The following FARSB variants were observed in gnomAD, a reference collection of about 807,000 sequenced individuals.
The protein encoded by FARSB is phenylalanyl-tRNA synthetase subunit beta.
Under a neutral mutation model 69.6 loss-of-function variants are expected in FARSB, and 40 were observed. That is an observed-to-expected ratio of 0.57 (90% CI 0.45 to 0.75). The LOEUF (loss-of-function observed/expected upper bound fraction) is 0.75, where lower values mean the gene tolerates loss of function less well. Ranked by LOEUF, FARSB falls within the 30% of genes least tolerant of loss-of-function variation. FARSB has a pLI of 0.00. For synonymous variants in FARSB, 235 were observed against 247.2 expected (o/e 0.95, Z 0.46); for missense variants, 632 against 722.9 (o/e 0.87, Z 1.44).
chr2:222,611,554 TC>T (rs1690852817), intron 15 of FARSB, among the ~76,000 whole-genome samples: 1 of 151,920 alleles, frequency 6.6e-6, no homozygotes, highest in Non-Finnish European at 1.5e-5. Context: ...CTCAAAAGGT[TC>T]TCCCACCTTG....
intron 16 of FARSB, among the ~76,000 whole-genome samples, chr2:222,599,409 T>C (rs1478759503): frequency 6.6e-6 from 1 of 152,228 alleles, no homozygotes. Context: ...AAGATTTTAC[T>C]GTACTTGGGA....
In FARSB at chr2:222,599,916, C is replaced by T. The variant is rs1690516282; in HGVS notation, c.1618+12G>A. The T allele has an allele frequency of 1.9e-6, 3 of 1,575,222 alleles. No individual in the cohort carries two copies. The highest frequency in any genetic ancestry group is 4.6e-5 in the East Asian group (2 of 43,220). ...ACTGTCACTAACTCTGGATTCGGCT[C>T]ATCTGTCTTACCTTCTGATGCTTTG... On this transcript the variant is annotated intron_variant, in intron 16 of 16. Coordinates refer to ENST00000281828, the MANE Select transcript of FARSB (RefSeq NM_005687.5).
At chr2:222,603,696 A>G (rs1398482384) in intron 15 of FARSB, among the ~76,000 whole-genome samples, 1 of 141,674 alleles carries the variant, frequency 7.1e-6, no homozygotes, top group Non-Finnish European at 1.6e-5. Context: ...ATATTATTAT[A>G]TATATTAGAT....
chr2:222,622,969 G>A (rs1368689798), intron 13 of FARSB, among the ~76,000 whole-genome samples: 3 of 152,160 alleles, frequency 2.0e-5, no homozygotes. Context: ...TTCAGAGGTA[G>A]GGCTAAGTTG....
rs1012363550 is a variant in FARSB, at chr2:222,634,867, T to C, written c.456-326A>G. 7.9e-5 allele frequency among the ~76,000 whole-genome samples: 12 copies of C among 152,326 alleles called. No homozygotes were observed. The East Asian group carries it at 2.1e-3, about 27-fold the overall frequency. On this transcript the variant is annotated intron_variant, in intron 5 of 16. Transcript: ENST00000281828. Reference sequence around the variant, plus strand: ...TCTAGGATATCTTCAAAGTTAGCATTTCCTTTACCTCTTTTAACCTATTTC... The same window carrying C: ...TCTAGGATATCTTCAAAGTTAGCATCTCCTTTACCTCTTTTAACCTATTTC...
chr2:222,638,132 GA>G (rs2106234272), intron 5 of FARSB, among the ~76,000 whole-genome samples: 1 of 152,266 alleles, frequency 6.6e-6, no homozygotes, highest in East Asian at 1.9e-4. Context: ...GAAACATTAT[GA>G]ACAACTTTGT....
At chr2:222,644,637 C>T (rs1356972612) in intron 2 of FARSB, 2 of 403,900 alleles carry the variant, frequency 5.0e-6, no homozygotes, top group Non-Finnish European at 1.0e-5. Flanking sequence ...GCAGCACCCC[C>T]TTATCCACAG....
intron 3 of FARSB, among the ~76,000 whole-genome samples, chr2:222,641,509 T>G (rs1275804543): frequency 1.3e-5 from 2 of 152,230 alleles, no homozygotes; most frequent in Non-Finnish European, 2.9e-5. Context: ...TTGGGGAGTT[T>G]GTTAAACCAC....
intron 15 of FARSB, among the ~76,000 whole-genome samples, chr2:222,603,967 C>A (rs551150302): frequency 1.4e-3 from 218 of 151,764 alleles, no homozygotes; most frequent in African/African-American, 5.0e-3. Context: ...CTGTAATCCC[C>A]GCACTTTGGG....
intron 16 of FARSB, among the ~76,000 whole-genome samples, chr2:222,572,910 TCAC>T (rs1334307670): frequency 2.6e-5 from 4 of 152,190 alleles, no homozygotes; most frequent in African/African-American, 4.8e-5. Context: ...CTCACTGCTC[TCAC>T]CACCAACTTG....
rs978814854 is a variant in FARSB, at chr2:222,567,496, A to G, written c.*4375T>C. The G allele has an allele frequency of 2.0e-5, 3 of 152,232 alleles. No individual in the cohort carries two copies. The highest frequency in any genetic ancestry group is 4.4e-5 in the Non-Finnish European group (3 of 68,048). 9.4% of individuals were successfully genotyped at this position (152,232 alleles called of 1,614,324 possible). A position where few individuals can be genotyped will look rare whatever the true frequency, so the allele number is the denominator to read the frequency against. ...AGATTGAGAAGCAAGATTGTGAGTAATGTTCTCTCTTACCAAGCTGATGAG... is the reference window on the plus strand; with the variant it reads ...AGATTGAGAAGCAAGATTGTGAGTAGTGTTCTCTCTTACCAAGCTGATGAG... On this transcript the variant is annotated 3_prime_UTR_variant, in exon 17 of 17. Coordinates refer to ENST00000281828, the MANE Select transcript of FARSB (RefSeq NM_005687.5).
At chr2:222,577,247 T>C (rs1165309411) in intron 16 of FARSB, among the ~76,000 whole-genome samples, 2 of 152,206 alleles carry the variant, frequency 1.3e-5, no homozygotes, top group Non-Finnish European at 2.9e-5. Context: ...ACTGGTAATA[T>C]AAAACACCTA....
At chr2:222,572,126 T>C in intron 16 of FARSB, 104 bp from the exon 17 acceptor site, 1 of 893,290 alleles carries the variant, frequency 1.1e-6, no homozygotes, top group Non-Finnish European at 1.7e-6. Context: ...ATAACTATTC[T>C]TTAAATCACT....
intron 5 of FARSB, among the ~76,000 whole-genome samples, 162 bp from the exon 6 acceptor site, chr2:222,634,703 T>C (rs552937894): frequency 2.6e-4 from 39 of 152,332 alleles, no homozygotes; most frequent in South Asian, 1.7e-3. Flanking sequence ...ATATTGCTAC[T>C]ACATGGCATC....
intron 16 of FARSB, among the ~76,000 whole-genome samples, chr2:222,574,570 T>A (rs1689790177): frequency 6.6e-6 from 1 of 152,032 alleles, no homozygotes; most frequent in Admixed American, 6.6e-5. Context: ...CCCTACCAAC[T>A]CACACGTAAA....
rs1689697470 is a variant in FARSB, at chr2:222,570,451, G to GT, written c.*1419dup. On this transcript the variant is annotated 3_prime_UTR_variant, in exon 17 of 17. Transcript: ENST00000281828. ...CAATTCAAGGTTGTAATATGGTCAG[G>GT]TTTTCTCCTAGTAGTAGACTCAGCA... is the stretch of plus-strand genomic sequence containing the variant. The GT allele has an allele frequency of 6.6e-6, 1 of 151,944 alleles. No individual in the cohort carries two copies. The highest frequency in any genetic ancestry group is 6.6e-5 in the Admixed American group (1 of 15,254). The allele number at this position is 151,944 out of a possible 1,614,324, so 9.4% of individuals were successfully genotyped here.
chr2:222,576,992 A>C (rs960687350), intron 16 of FARSB, among the ~76,000 whole-genome samples: 2 of 152,210 alleles, frequency 1.3e-5, no homozygotes, highest in African/African-American at 4.8e-5. Context: ...TAGAACCAGC[A>C]GTTTTTTGAG....
chr2:222,599,627 T>G (rs1489156283), intron 16 of FARSB, among the ~76,000 whole-genome samples: 1 of 152,226 alleles, frequency 6.6e-6, no homozygotes, highest in African/African-American at 2.4e-5. Context: ...CACCATGTGC[T>G]GATGGCTTAA....
chr2:222,655,247 AC>A (rs957135131), intron 1 of FARSB, among the ~76,000 whole-genome samples: 9 of 151,824 alleles, frequency 5.9e-5, no homozygotes, highest in Admixed American at 2.0e-4. Flanking sequence ...CTGTGAGGTA[AC>A]TGATAACTGC....
Sources: allele counts gnomAD v4.1 joint callset (sites outside exome capture counted in the v4.1 genomes callset), GRCh38; gene constraint gnomAD v4.1.1; transcripts MANE v1.5; gene names NCBI Gene and HGNC (gene_info 2026-07-23, HGNC 2026-07-21).